The following PTPRT variants were observed in gnomAD, a reference collection of about 807,000 sequenced individuals.
PTPRT encodes the protein receptor-type tyrosine-protein phosphatase T.
A neutral mutation model predicts 176.8 loss-of-function variants in PTPRT; 56 were observed. That is an observed-to-expected ratio of 0.32 (90% CI 0.26 to 0.40). The LOEUF (loss-of-function observed/expected upper bound fraction) is 0.40, where lower values mean the gene tolerates loss of function less well. Among genes scored for constraint, PTPRT ranks in the 10% least tolerant of loss-of-function variants. The pLI, the probability that PTPRT is intolerant of heterozygous loss-of-function variation, is 1.00. For synonymous variants in PTPRT, 783 were observed against 739.0 expected (o/e 1.06, Z -0.96); for missense variants, 1,540 against 1,908.2 (o/e 0.81, Z 3.60).
chr20:42,719,295 A>G (rs1218835215), intron 6 of PTPRT, among the ~76,000 whole-genome samples: 1 of 152,234 alleles, frequency 6.6e-6, no homozygotes, highest in Admixed American at 6.5e-5. Context: ...ACAAAGAGAA[A>G]TATGAAGGGG....
At chr20:42,533,492 G>C (rs1472292342) in intron 7 of PTPRT, among the ~76,000 whole-genome samples, 1 of 152,186 alleles carries the variant, frequency 6.6e-6, no homozygotes, top group African/African-American at 2.4e-5. Flanking sequence ...GGCACACAAT[G>C]GGCAGTGTGT....
In PTPRT at chr20:42,628,801, T is replaced by G. The variant is rs540377048; in HGVS notation, c.1153+49065A>C. On this transcript the variant is annotated intron_variant, in intron 7 of 30. Coordinates refer to ENST00000373187, the MANE Select transcript of PTPRT (RefSeq NM_007050.6). ...ATAAAGTTTAGTTGGAACATATCCATGCCCATTTGTTTACGTATGACACAA... is the reference window on the plus strand; with the variant it reads ...ATAAAGTTTAGTTGGAACATATCCAGGCCCATTTGTTTACGTATGACACAA... Among the ~76,000 whole-genome samples, 4 of 152,278 alleles carry G rather than the reference T, an allele frequency of 2.6e-5. No homozygotes were observed. In the South Asian group the frequency reaches 8.3e-4, roughly 32 times the overall value.
intron 6 of PTPRT, among the ~76,000 whole-genome samples, chr20:42,697,050 C>T (rs2075891106): frequency 6.6e-6 from 1 of 152,150 alleles, no homozygotes; most frequent in Non-Finnish European, 1.5e-5. Context: ...TATTACCAGA[C>T]TTTTTTTGTG....
At position 42,648,021 on chromosome 20, in the gene PTPRT, C is replaced by T. The variant is rs77062130; in HGVS notation, c.1153+29845G>A. ...TTGGAGATAGCAGCTTAGAAATGGC[C>T]CTGAAGTGGGTCTTTCCTTAGACTT... On this transcript the variant is annotated intron_variant, in intron 7 of 30. Coordinates refer to ENST00000373187, the MANE Select transcript of PTPRT (RefSeq NM_007050.6). 6.1e-3 allele frequency among the ~76,000 whole-genome samples: 931 copies of T among 152,088 alleles called. 12 individuals are homozygous for T. Among genetic ancestry groups the T allele is most frequent in the East Asian group, 0.033 (169 of 5,164 alleles).
At chr20:42,228,102 C>T (rs1295662446) in intron 15 of PTPRT, among the ~76,000 whole-genome samples, 3 of 152,162 alleles carry the variant, frequency 2.0e-5, no homozygotes, top group Admixed American at 6.5e-5. Flanking sequence ...TTTTCTAAGC[C>T]TCAAGACATC....
intron 17 of PTPRT, among the ~76,000 whole-genome samples, chr20:42,146,407 T>G (rs1240762792): frequency 6.6e-6 from 1 of 152,198 alleles, no homozygotes; most frequent in Non-Finnish European, 1.5e-5. Flanking sequence ...ATAATTGCGT[T>G]GAGTACTTGC....
intron 7 of PTPRT, among the ~76,000 whole-genome samples, chr20:42,490,168 A>C (rs183692350): frequency 1.3e-5 from 2 of 152,302 alleles, no homozygotes; most frequent in Admixed American, 1.3e-4. Context: ...CATGTATGGA[A>C]GGGTACATCT....
At chr20:42,164,469 T>A (rs1185373802) in intron 16 of PTPRT, among the ~76,000 whole-genome samples, 3 of 152,228 alleles carry the variant, frequency 2.0e-5, no homozygotes, top group African/African-American at 4.8e-5. Flanking sequence ...CCAGTGCTAA[T>A]GATGCTATGA....
chr20:42,515,861 C>T (rs568801063), intron 7 of PTPRT, among the ~76,000 whole-genome samples: 179 of 149,998 alleles, frequency 1.2e-3, no homozygotes, highest in South Asian at 0.011. Context: ...ACCCAAATGT[C>T]CAACAATGAT....
At position 43,184,685 on chromosome 20, in the gene PTPRT, T is replaced by C. The variant is rs138289954; in HGVS notation, c.88+4961A>G. On this transcript the variant is annotated intron_variant, in intron 1 of 30. Coordinates refer to ENST00000373187, the MANE Select transcript of PTPRT (RefSeq NM_007050.6). ...CCGGCGACAGAGCAGTGAGACTCTGTCTAAAAAAAAAAACAGGCCCTAATG... is the reference window on the plus strand; with the variant it reads ...CCGGCGACAGAGCAGTGAGACTCTGCCTAAAAAAAAAAACAGGCCCTAATG... Among the ~76,000 whole-genome samples, 27 of 151,340 alleles carry C rather than the reference T, an allele frequency of 1.8e-4. No individual in the cohort carries two copies. The East Asian group carries it at 5.1e-3, about 28-fold the overall frequency.
chr20:42,363,917 C>T (rs989381925), intron 9 of PTPRT, among the ~76,000 whole-genome samples: 6 of 152,094 alleles, frequency 3.9e-5, no homozygotes, highest in African/African-American at 1.4e-4. Context: ...CTTCCAGGGC[C>T]TGGGAGACCA....
intron 1 of PTPRT, among the ~76,000 whole-genome samples, chr20:43,082,385 C>G (rs188297557): frequency 6.6e-6 from 1 of 152,140 alleles, no homozygotes; most frequent in Non-Finnish European, 1.5e-5. Context: ...CATGGTTGCC[C>G]TTAGCTTAAG....
At chr20:42,467,286 T>A (rs2071116730) in intron 8 of PTPRT, among the ~76,000 whole-genome samples, 1 of 152,102 alleles carries the variant, frequency 6.6e-6, no homozygotes, top group African/African-American at 2.4e-5. Flanking sequence ...AAGGATACTT[T>A]ACAAAAGAAA....
downstream of PTPRT, among the ~76,000 whole-genome samples, chr20:42,067,918 G>A (rs1221809878): frequency 1.3e-5 from 2 of 152,278 alleles, no homozygotes; most frequent in Admixed American, 6.5e-5. Flanking sequence ...ATGATTCCAG[G>A]AAGCAATGAG....
intron 1 of PTPRT, among the ~76,000 whole-genome samples, chr20:43,156,704 C>A (rs763142788): frequency 3.3e-5 from 5 of 152,284 alleles, no homozygotes; most frequent in Non-Finnish European, 5.9e-5. Context: ...AGCCTACATA[C>A]TCTTTATACA....
At chr20:43,029,251 CA>C (rs1224827305) in intron 1 of PTPRT, among the ~76,000 whole-genome samples, 1 of 152,210 alleles carries the variant, frequency 6.6e-6, no homozygotes, top group Non-Finnish European at 1.5e-5. Flanking sequence ...GAACAAGTCA[CA>C]AGCCCCCAAA....
At chr20:42,980,540 C>T (rs1347283170) in intron 1 of PTPRT, among the ~76,000 whole-genome samples, 1 of 152,220 alleles carries the variant, frequency 6.6e-6, no homozygotes, top group Non-Finnish European at 1.5e-5. Flanking sequence ...AAGACAAATT[C>T]TTCAGAAACT....
intron 1 of PTPRT, among the ~76,000 whole-genome samples, chr20:42,954,062 G>A (rs1179297300): frequency 6.6e-6 from 1 of 152,092 alleles, no homozygotes; most frequent in African/African-American, 2.4e-5. Context: ...AAGACCTCCC[G>A]TGGGATGGCT....
chr20:42,273,682 C>T (rs936241347), intron 13 of PTPRT, among the ~76,000 whole-genome samples: 16 of 152,354 alleles, frequency 1.1e-4, no homozygotes, highest in African/African-American at 3.1e-4. Context: ...TCAATAAATG[C>T]TTACTGAAAA....
Sources: allele counts gnomAD v4.1 joint callset (sites outside exome capture counted in the v4.1 genomes callset), GRCh38; gene constraint gnomAD v4.1.1; transcripts MANE v1.5; gene names NCBI Gene and HGNC (gene_info 2026-07-23, HGNC 2026-07-21).